LAD1: variants seen among roughly 807,000 people sequenced by gnomAD.
LAD1 encodes ladinin 1.
LAD1 carries 53 observed loss-of-function variants against 54.2 expected under a neutral mutation model. That is an observed-to-expected ratio of 0.98 (90% CI 0.78 to 1.23). The LOEUF (loss-of-function observed/expected upper bound fraction) is 1.23, where lower values mean the gene tolerates loss of function less well. Ranked by LOEUF, LAD1 falls within the 50% of genes most tolerant of loss-of-function variation. LAD1 has a pLI of 0.00. For synonymous variants in LAD1, 231 were observed against 257.7 expected, an observed-to-expected ratio of 0.90 and a Z score of 0.99; for missense variants, 637 against 653.3, an observed-to-expected ratio of 0.98 and a Z score of 0.27.
chr1:201,396,563 C>T (rs965062093), intron 1 of LAD1, among the ~76,000 whole-genome samples: 5 of 152,186 alleles, frequency 3.3e-5, no homozygotes, highest in African/African-American at 1.2e-4. Flanking sequence ...CATTATACAA[C>T]AGATTAAGGC....
chr1:201,384,312 G>A (rs1662029221), intron 5 of LAD1, among the ~76,000 whole-genome samples: 1 of 152,002 alleles, frequency 6.6e-6, no homozygotes, highest in South Asian at 2.1e-4. Context: ...AAGCACATCT[G>A]CTTCTCAGAT....
chr1:201,393,099 T>G lies in LAD1; in HGVS notation c.39-3796A>C, dbSNP rs542470663. Reference sequence around the variant, plus strand: ...GGGAAGACCAGGGGAGGAAGGAGTGTGGTGGGCTGTTGGGTGGTAGTGGGG... The same window carrying G: ...GGGAAGACCAGGGGAGGAAGGAGTGGGGTGGGCTGTTGGGTGGTAGTGGGG... On this transcript the variant is annotated intron_variant, in intron 1 of 9. Coordinates refer to ENST00000391967, the MANE Select transcript of LAD1 (RefSeq NM_005558.4). 9.9e-5 allele frequency among the ~76,000 whole-genome samples: 15 copies of G among 151,960 alleles called. 1 individual carries two copies. In the South Asian group the frequency reaches 3.1e-3, roughly 32 times the overall value.
intron 1 of LAD1, among the ~76,000 whole-genome samples, chr1:201,389,531 G>A (rs183248462): frequency 3.9e-5 from 6 of 152,268 alleles, no homozygotes; most frequent in Admixed American, 2.0e-4. Flanking sequence ...TATGTACATC[G>A]GCCAGGCGCG....
At chr1:201,398,998 G>A (rs1662356140) in intron 1 of LAD1, among the ~76,000 whole-genome samples, 1 of 152,204 alleles carries the variant, frequency 6.6e-6, no homozygotes, top group Non-Finnish European at 1.5e-5. Context: ...TTCCACAGGG[G>A]GGGCCATATC....
At chr1:201,391,061 C>T in intron 1 of LAD1, 1 of 453,398 alleles carries the variant, frequency 2.2e-6, no homozygotes, top group Non-Finnish European at 4.4e-6. Context: ...GGAAGACTTA[C>T]AAACAAAACC....
chr1:201,387,039 G>A lies in LAD1; in HGVS notation c.322C>T (p.Pro108Ser), dbSNP rs765159869. 2.5e-6 allele frequency: 4 copies of A among 1,612,328 alleles called. No individual in the cohort carries two copies. Among genetic ancestry groups the A allele is most frequent in the Middle Eastern group, 1.7e-4 (1 of 6,050 alleles). ...RRQVVEAAQA[P>S]IQERLEAEEG... is the part of the protein sequence containing the mutation. ...TCTGCCTCCAGCCTCTCCTGGATGGGGGCCTGTGCAGCCTCCACCACCTGC... is the reference window on the plus strand; with the variant it reads ...TCTGCCTCCAGCCTCTCCTGGATGGAGGCCTGTGCAGCCTCCACCACCTGC... Residue 108 changes from proline to serine, a missense_variant, in exon 3 of 10, where the codon CCC (proline) becomes TCC (serine). By Grantham distance (74) the Pro-to-Ser change is moderately conservative. Coordinates refer to ENST00000391967, the MANE Select transcript of LAD1 (RefSeq NM_005558.4).
At chr1:201,385,622 GCTC>G in intron 4 of LAD1, 76 bp downstream of exon 4, 1 of 1,041,232 alleles carries the variant, frequency 9.6e-7, no homozygotes, top group Non-Finnish European at 1.5e-6. Flanking sequence ...CTAACCTACG[GCTC>G]CTATGTTGTA....
At chr1:201,391,540 T>C (rs1041874353) in intron 1 of LAD1, among the ~76,000 whole-genome samples, 2 of 152,112 alleles carry the variant, frequency 1.3e-5, no homozygotes, top group African/African-American at 4.8e-5. Flanking sequence ...TCACAGAACA[T>C]GGCAGGGTCT....
rs915909508 is a variant in LAD1 at position 201,381,412 on chromosome 1, G to A, written c.*476C>T. On this transcript the variant is annotated 3_prime_UTR_variant, in exon 10 of 10. Transcript: ENST00000391967. ...TCTCCCCTGGCCAGAGCGGGCCTCA[G>A]TGGCTGGGAGCAGGCCCCAGGGACA... The A allele has an allele frequency of 5.3e-6, 1 of 187,980 alleles. No homozygotes were observed. Among genetic ancestry groups the A allele is most frequent in the East Asian group, 1.7e-4 (1 of 5,902 alleles). 11.6% of individuals were successfully genotyped at this position (187,980 alleles called of 1,614,324 possible). A position where few individuals can be genotyped will look rare whatever the true frequency, so the allele number is the denominator to read the frequency against.
At chr1:201,391,916 A>T (rs1284257660) in intron 1 of LAD1, among the ~76,000 whole-genome samples, 2 of 152,208 alleles carry the variant, frequency 1.3e-5, no homozygotes, top group East Asian at 3.9e-4. Context: ...AATCAGGTTA[A>T]AAGGTTCTAG....
chr1:201,386,286 C>T, intron 3 of LAD1, 49 bp downstream of exon 3: 2 of 1,401,026 alleles, frequency 1.4e-6, no homozygotes, highest in South Asian at 1.9e-5. Flanking sequence ...GCCGGCAGTG[C>T]CAGCCAGGTG....
At chr1:201,394,263 A>G (rs547057137) in intron 1 of LAD1, among the ~76,000 whole-genome samples, 63 of 152,314 alleles carry the variant, frequency 4.1e-4, no homozygotes, top group African/African-American at 1.5e-3. Context: ...AGGGGGAACA[A>G]AGCCCACTCC....
At chr1:201,382,043 C>G (rs1370181569) in intron 9 of LAD1, 150 bp from the exon 10 acceptor site, 1 of 908,708 alleles carries the variant, frequency 1.1e-6, no homozygotes. Context: ...GAGGGAGGGG[C>G]TCTGCAGAGC....
At chr1:201,387,265 C>T (rs74662114) in intron 2 of LAD1, 87 bp from the exon 3 acceptor site, 107,844 of 1,360,946 alleles carry the variant, frequency 0.079, 4,841 homozygotes, top group Non-Finnish European at 0.094. Flanking sequence ...GCTGCCAGGG[C>T]CACCAAGGAG....
intron 1 of LAD1, among the ~76,000 whole-genome samples, chr1:201,390,793 G>T (rs1164715226): frequency 6.6e-6 from 1 of 152,156 alleles, no homozygotes; most frequent in Non-Finnish European, 1.5e-5. Flanking sequence ...TGTCTCCTGG[G>T]GGGCAAAGTC....
At chr1:201,392,733 A>G (rs531208180) in intron 1 of LAD1, among the ~76,000 whole-genome samples, 1 of 152,112 alleles carries the variant, frequency 6.6e-6, no homozygotes, top group African/African-American at 2.4e-5. Context: ...GGAGAGTGTT[A>G]CACAGAAAAA....
At chr1:201,384,770 C>T in intron 5 of LAD1, 22 bp downstream of exon 5, 1 of 1,613,456 alleles carries the variant, frequency 6.2e-7, no homozygotes, top group East Asian at 2.2e-5. Flanking sequence ...ATAGAAAGAA[C>T]CAGAGCCTCC....
intron 1 of LAD1, among the ~76,000 whole-genome samples, chr1:201,395,611 C>G (rs911493412): frequency 9.2e-5 from 14 of 152,190 alleles, no homozygotes; most frequent in African/African-American, 3.4e-4. Context: ...AAAAAAATAG[C>G]TGGGTCCGTG....
At chr1:201,395,962 G>C (rs925235566) in intron 1 of LAD1, among the ~76,000 whole-genome samples, 1 of 152,212 alleles carries the variant, frequency 6.6e-6, no homozygotes, top group Non-Finnish European at 1.5e-5. Flanking sequence ...GAACCTTCAA[G>C]GGAGGGAACA....
Sources: allele counts gnomAD v4.1 joint callset (sites outside exome capture counted in the v4.1 genomes callset), GRCh38; gene constraint gnomAD v4.1.1; transcripts MANE v1.5; gene names NCBI Gene and HGNC (gene_info 2026-07-23, HGNC 2026-07-21).